LRCH1: variants seen among roughly 807,000 people sequenced by gnomAD.
The protein encoded by LRCH1 is leucine rich repeats and calponin homology domain containing 1, also known as leucine-rich repeat and calponin homology domain-containing protein 1.
A neutral mutation model predicts 94.9 loss-of-function variants in LRCH1; 23 were observed. That is an observed-to-expected ratio of 0.24 (90% CI 0.17 to 0.34). The LOEUF is 0.34. Ranked by LOEUF, LRCH1 falls within the 10% of genes least tolerant of loss-of-function variation. The pLI is 1.00. For missense variants in LRCH1, 790 were observed against 945.9 expected (o/e 0.84, Z 2.16); for synonymous variants, 364 against 354.9 (o/e 1.03, Z -0.29).
intron 19 of LRCH1, among the ~76,000 whole-genome samples, chr13:46,735,097 T>C (rs1409709018): frequency 6.6e-6 from 1 of 152,220 alleles, no homozygotes. Flanking sequence ...ATTTAAAACA[T>C]CTTTAAGTCA....
intron 2 of LRCH1, among the ~76,000 whole-genome samples, chr13:46,650,588 A>G (rs1213564841): frequency 1.3e-5 from 2 of 151,754 alleles, no homozygotes; most frequent in Non-Finnish European, 2.9e-5. Context: ...GATTTATATT[A>G]TATCATTTAT....
chr13:46,667,559 G>A (rs963993434), intron 2 of LRCH1, among the ~76,000 whole-genome samples: 1 of 151,366 alleles, frequency 6.6e-6, no homozygotes, highest in Non-Finnish European at 1.5e-5. Context: ...GATAGCATTA[G>A]GAGATATACC....
intron 1 of LRCH1, among the ~76,000 whole-genome samples, chr13:46,613,210 T>G (rs1273650815): frequency 6.6e-6 from 1 of 152,010 alleles, no homozygotes; most frequent in African/African-American, 2.4e-5. Flanking sequence ...GCCAACATGG[T>G]GAAACCCTGT....
At chr13:46,623,316 A>G (rs1323806841) in intron 1 of LRCH1, among the ~76,000 whole-genome samples, 1 of 152,150 alleles carries the variant, frequency 6.6e-6, no homozygotes. Context: ...GGGCTTTGGC[A>G]TAGAGATGGT....
chr13:46,559,635 T>C (rs1189785089), intron 1 of LRCH1, among the ~76,000 whole-genome samples: 5 of 152,250 alleles, frequency 3.3e-5, no homozygotes, highest in Admixed American at 6.5e-5. Flanking sequence ...GGCAAGGACA[T>C]ACTAATCATG....
chr13:46,651,927 G>A (rs1185521515), intron 2 of LRCH1, among the ~76,000 whole-genome samples: 2 of 132,708 alleles, frequency 1.5e-5, no homozygotes, highest in African/African-American at 5.7e-5. Context: ...TTGCTCTGTC[G>A]CCCAGGCTGG....
chr13:46,751,525 A>G (rs1218983522), exon 19 of LRCH1: 1 of 152,186 alleles, frequency 6.6e-6, no homozygotes, highest in Non-Finnish European at 1.5e-5. Flanking sequence ...TGTGATGGAA[A>G]AAAAAAAGAC....
intron 1 of LRCH1, among the ~76,000 whole-genome samples, chr13:46,556,724 G>A (rs1157333013): frequency 6.6e-6 from 1 of 152,162 alleles, no homozygotes; most frequent in Middle Eastern, 3.2e-3. Context: ...AACCCTGGCA[G>A]CCTCACGTTA....
exon 19 of LRCH1, chr13:46,750,780 C>G: frequency 1.6e-6 from 1 of 616,460 alleles, no homozygotes; most frequent in Non-Finnish European, 2.8e-6. Context: ...TACATTGAAA[C>G]AATTTTCAGT....
intron 17 of LRCH1, among the ~76,000 whole-genome samples, chr13:46,723,853 A>G (rs1872696408): frequency 1.3e-5 from 2 of 152,172 alleles, no homozygotes; most frequent in African/African-American, 2.4e-5. Context: ...TGTGAGGAAT[A>G]TATGAGATAG....
rs572226166 is a variant in LRCH1 at position 46,703,491 on chromosome 13, T to C, written c.1401-1577T>C. ...AAGTAACTTAGTATGTAACCAAGTC[T>C]AGAAACATATAAAACTTCGGAGTGA... On this transcript the variant is annotated intron_variant, in intron 11 of 19. Coordinates refer to ENST00000389797, the MANE Select transcript of LRCH1 (RefSeq NM_001164211.2). Among the ~76,000 whole-genome samples, 3 of 152,280 alleles carry C rather than the reference T, an allele frequency of 2.0e-5. No individual in the cohort carries two copies. The South Asian group carries it at 6.2e-4, about 32-fold the overall frequency.
intron 1 of LRCH1, among the ~76,000 whole-genome samples, chr13:46,557,991 C>T (rs1235437517): frequency 1.3e-5 from 2 of 152,142 alleles, no homozygotes; most frequent in African/African-American, 2.4e-5. Flanking sequence ...AAGCCATGAT[C>T]GCGCCACTGC....
chr13:46,676,757 C>T (rs554480110), intron 3 of LRCH1, among the ~76,000 whole-genome samples: 1 of 152,240 alleles, frequency 6.6e-6, no homozygotes, highest in East Asian at 1.9e-4. Context: ...ATCATCTTGA[C>T]ACAGTATTTA....
intron 1 of LRCH1, among the ~76,000 whole-genome samples, chr13:46,604,139 A>C (rs1295173904): frequency 4.6e-5 from 7 of 152,244 alleles, no homozygotes; most frequent in Admixed American, 1.3e-4. Flanking sequence ...ATTTCATATA[A>C]ATAACTACTT....
At chr13:46,636,079 T>C (rs1243899113) in intron 1 of LRCH1, among the ~76,000 whole-genome samples, 1 of 137,928 alleles carries the variant, frequency 7.3e-6, no homozygotes, top group Non-Finnish European at 1.6e-5. Context: ...TTTTTTTTTT[T>C]TTTTTTTTGA....
intron 3 of LRCH1, 95 bp from the exon 4 acceptor site, chr13:46,681,646 G>T: frequency 1.2e-6 from 1 of 831,104 alleles, no homozygotes; most frequent in Middle Eastern, 2.2e-4. Context: ...CTGTGTAGTT[G>T]TCCAAATATT....
intron 1 of LRCH1, among the ~76,000 whole-genome samples, chr13:46,616,686 T>C (rs2050812812): frequency 6.6e-6 from 1 of 152,216 alleles, no homozygotes; most frequent in Non-Finnish European, 1.5e-5. Context: ...TATGTGCCTT[T>C]TAGAGACGGC....
At chr13:46,647,332 T>C (rs2051234965) in intron 1 of LRCH1, among the ~76,000 whole-genome samples, 1 of 152,204 alleles carries the variant, frequency 6.6e-6, no homozygotes, top group South Asian at 2.1e-4. Flanking sequence ...TGAAAAATAC[T>C]ATCCCATTTA....
In LRCH1 at chr13:46,744,651, G is replaced by T. The variant is rs557888846; in HGVS notation, c.*2803G>T. 22 of 985,392 alleles carry T rather than the reference G, an allele frequency of 2.2e-5. No homozygotes were observed. The South Asian group carries it at 8.5e-4, about 38-fold the overall frequency. The allele number at this position is 985,392 out of a possible 1,614,324, so 61.0% of individuals were successfully genotyped here. Reference sequence around the variant, plus strand: ...GTTTGTAAGAAATTAAAACTAGCGCGTGGTGAGCTGGGTTATCTCTCGAAA... The same window carrying T: ...GTTTGTAAGAAATTAAAACTAGCGCTTGGTGAGCTGGGTTATCTCTCGAAA... On this transcript the variant is annotated 3_prime_UTR_variant, in exon 20 of 20. Transcript: ENST00000389797.
Sources: allele counts gnomAD v4.1 joint callset (sites outside exome capture counted in the v4.1 genomes callset), GRCh38; gene constraint gnomAD v4.1.1; transcripts MANE v1.5; gene names NCBI Gene and HGNC (gene_info 2026-07-23, HGNC 2026-07-21).